The following PHC2 variants were observed in gnomAD, a reference collection of about 807,000 sequenced individuals.
The protein encoded by PHC2 is polyhomeotic homolog 2.
PHC2 carries 29 observed loss-of-function variants against 87.4 expected under a neutral mutation model. That is an observed-to-expected ratio of 0.33 (90% CI 0.25 to 0.45). The LOEUF (loss-of-function observed/expected upper bound fraction) is 0.45, where lower values mean the gene tolerates loss of function less well. Among genes scored for constraint, PHC2 ranks in the 20% least tolerant of loss-of-function variants. The pLI is 1.00. For synonymous variants in PHC2, 438 were observed against 461.7 expected, an observed-to-expected ratio of 0.95 and a Z score of 0.66; for missense variants, 857 against 1,136.7, an observed-to-expected ratio of 0.75 and a Z score of 3.54.
At chr1:33,361,602 C>G (rs1647196187) in intron 7 of PHC2, among the ~76,000 whole-genome samples, 1 of 152,220 alleles carries the variant, frequency 6.6e-6, no homozygotes, top group South Asian at 2.1e-4. Flanking sequence ...CGGGGCCTCC[C>G]AAAGGGCTGA....
intron 1 of PHC2, among the ~76,000 whole-genome samples, chr1:33,389,373 A>G (rs981226595): frequency 1.3e-5 from 2 of 152,212 alleles, no homozygotes; most frequent in African/African-American, 4.8e-5. Flanking sequence ...ATTAATCTTA[A>G]GCCTACATTA....
chr1:33,368,495 G>A lies in PHC2; in HGVS notation c.663+41C>T. ...CCAGTATCAGTGCCCCTCTACAGGGGTGCCCACCCCCCTGCCCTCCCACAA... is the reference window on the plus strand; with the variant it reads ...CCAGTATCAGTGCCCCTCTACAGGGATGCCCACCCCCCTGCCCTCCCACAA... On this transcript the variant is annotated intron_variant, in intron 6 of 14. Transcript: ENST00000683057. The surrounding 1 kb of genome is among the most constrained non-coding windows in gnomAD (Gnocchi z 6.6). 1 of 1,112,952 alleles carries A rather than the reference G, an allele frequency of 9.0e-7. No homozygotes were observed. The allele number at this position is 1,112,952 out of a possible 1,614,324, so 68.9% of individuals were successfully genotyped here. A position where few individuals can be genotyped will look rare whatever the true frequency, so the allele number is the denominator to read the frequency against.
chr1:33,324,052 G>T lies in PHC2; in HGVS notation c.*813C>A. On this transcript the variant is annotated 3_prime_UTR_variant, in exon 15 of 15. Transcript: ENST00000683057. ...TCTTTGTGAACCAGGAGGGCGGTCAGGGGAACTTCACAGTGCGGGGAGGGG... is the reference window on the plus strand; with the variant it reads ...TCTTTGTGAACCAGGAGGGCGGTCATGGGAACTTCACAGTGCGGGGAGGGG... 1 of 152,610 alleles carries T rather than the reference G, an allele frequency of 6.6e-6. No individual in the cohort carries two copies. 9.5% of individuals were successfully genotyped at this position (152,610 alleles called of 1,614,324 possible). A position where few individuals can be genotyped will look rare whatever the true frequency, so the allele number is the denominator to read the frequency against.
chr1:33,421,647 A>G (rs1428197325), intron 1 of PHC2, among the ~76,000 whole-genome samples: 2 of 152,216 alleles, frequency 1.3e-5, no homozygotes, highest in Middle Eastern at 3.2e-3. Context: ...TGTGTTTAGG[A>G]CAAATAAAAC....
chr1:33,374,887 G>A (rs942140759), intron 2 of PHC2, among the ~76,000 whole-genome samples: 3 of 152,218 alleles, frequency 2.0e-5, no homozygotes, highest in Non-Finnish European at 2.9e-5. Flanking sequence ...GCAGATGGTA[G>A]TGCATGGCCC....
intron 1 of PHC2, among the ~76,000 whole-genome samples, chr1:33,420,044 G>A (rs972964542): frequency 6.6e-6 from 1 of 152,034 alleles, no homozygotes; most frequent in Non-Finnish European, 1.5e-5. Flanking sequence ...AAGTTCTGGG[G>A]ATAAGGAGCT....
intron 1 of PHC2, among the ~76,000 whole-genome samples, chr1:33,401,132 C>T (rs1649508083): frequency 1.3e-5 from 2 of 152,086 alleles, no homozygotes; most frequent in Admixed American, 1.3e-4. Context: ...CCAAACCATC[C>T]TGGCTAACAT....
intron 1 of PHC2, among the ~76,000 whole-genome samples, chr1:33,405,109 T>C (rs1188678982): frequency 6.6e-6 from 1 of 152,248 alleles, no homozygotes; most frequent in Non-Finnish European, 1.5e-5. Context: ...CAGTGATGTC[T>C]TCCTTTTCAT....
intron 13 of PHC2, among the ~76,000 whole-genome samples, chr1:33,329,626 T>C (rs1182378347): frequency 6.6e-6 from 1 of 152,148 alleles, no homozygotes; most frequent in Non-Finnish European, 1.5e-5. Flanking sequence ...TGCTAAAAAA[T>C]ATTTAATGAC....
chr1:33,400,028 T>C (rs1649456642), intron 1 of PHC2, among the ~76,000 whole-genome samples: 1 of 151,642 alleles, frequency 6.6e-6, no homozygotes, highest in Non-Finnish European at 1.5e-5. Flanking sequence ...TCATTATTAT[T>C]TGTAAAAAAA....
intron 10 of PHC2, 105 bp downstream of exon 10, chr1:33,333,985 G>C: frequency 1.0e-6 from 1 of 989,086 alleles, no homozygotes; most frequent in Non-Finnish European, 1.5e-6. Flanking sequence ...CAAGGAAAGA[G>C]CAAATTGTTC....
In PHC2 at chr1:33,334,050, ATATACT is replaced by A; in HGVS notation, c.1761+34_1761+39del. 1 of 1,534,564 alleles carries A rather than the reference ATATACT, an allele frequency of 6.5e-7. No homozygotes were observed. The highest frequency in any genetic ancestry group is 8.9e-7 in the Non-Finnish European group (1 of 1,125,942). Reference sequence around the variant, plus strand: ...AAAAATATTCTAAGACACATCCAAAATATACTTAAAAAAAAAAGGGGAAAAGAAGTA... The same window carrying A: ...AAAAATATTCTAAGACACATCCAAAATAAAAAAAAAAGGGGAAAAGAAGTA... On this transcript the variant is annotated intron_variant, in intron 10 of 14. Transcript: ENST00000683057. The surrounding 1 kb of genome is among the most constrained non-coding windows in gnomAD (Gnocchi z 5.5).
At chr1:33,424,298 G>GAAC (rs1056715087) in intron 1 of PHC2, among the ~76,000 whole-genome samples, 2 of 152,076 alleles carry the variant, frequency 1.3e-5, no homozygotes. Context: ...CAAGTCTCTT[G>GAAC]AAAAGTCTAA....
At chr1:33,367,529 G>T (rs1647546278) in intron 6 of PHC2, 101 bp from the exon 7 acceptor site, 1 of 909,890 alleles carries the variant, frequency 1.1e-6, no homozygotes, top group Admixed American at 2.4e-5. Flanking sequence ...TGGCTGAATA[G>T]AACAGGAGGT....
Position 33,349,473 on chromosome 1 carries a change from G to C in PHC2, c.1558+4928C>G. On this transcript the variant is annotated intron_variant, in intron 9 of 14. Coordinates refer to ENST00000683057, the MANE Select transcript of PHC2 (RefSeq NM_001385109.1). This position sits in a 1 kb window ranked among gnomAD's most constrained non-coding sequence, Gnocchi z 4.2. ...CGCGGACGAGAGCCGCGACTGGCACGGCCTGGCAGCCGCGTAGGCCCGGGC... is the reference window on the plus strand; with the variant it reads ...CGCGGACGAGAGCCGCGACTGGCACCGCCTGGCAGCCGCGTAGGCCCGGGC... 2 of 985,264 alleles carry C rather than the reference G, an allele frequency of 2.0e-6. No individual in the cohort carries two copies. Among genetic ancestry groups the C allele is most frequent in the Non-Finnish European group, 2.4e-6 (2 of 829,906 alleles). The allele number at this position is 985,264 out of a possible 1,614,324, so 61.0% of individuals were successfully genotyped here.
At position 33,349,440 on chromosome 1, in the gene PHC2, A is replaced by G; in HGVS notation, c.1558+4961T>C. Reference sequence around the variant, plus strand: ...GAGGCTGGGGAGCAGGGCACCTCCCAGGCGCCGCGCGGACGAGAGCCGCGA... The same window carrying G: ...GAGGCTGGGGAGCAGGGCACCTCCCGGGCGCCGCGCGGACGAGAGCCGCGA... On this transcript the variant is annotated intron_variant, in intron 9 of 14. Transcript: ENST00000683057. This position sits in a 1 kb window ranked among gnomAD's most constrained non-coding sequence, Gnocchi z 4.2. 1.0e-6 allele frequency: 1 copy of G among 985,168 alleles called. No homozygotes were observed. The highest frequency in any genetic ancestry group is 1.2e-6 in the Non-Finnish European group (1 of 829,844). 61.0% of individuals were successfully genotyped at this position (985,168 alleles called of 1,614,324 possible).
Position 33,367,172 on chromosome 1 carries a change from C to T in PHC2, c.920G>A (p.Arg307Gln), listed in dbSNP as rs765961408. 2.2e-4 allele frequency: 352 copies of T among 1,613,956 alleles called. No individual in the cohort carries two copies. Among genetic ancestry groups the T allele is most frequent in the Admixed American group, 3.3e-4 (20 of 60,016 alleles). Reference sequence around the variant, plus strand: ...AGGAACCGTCCGGCTGAGCCCAGCCCGGCCTTCCATGCTCCCTGGCACACT... The same window carrying T: ...AGGAACCGTCCGGCTGAGCCCAGCCTGGCCTTCCATGCTCCCTGGCACACT... Reference protein sequence around the residue: ...NSSVPGSMEGRAGLSRTVPAV... With the variant: ...NSSVPGSMEGQAGLSRTVPAV... The change falls in exon 7 of 15, where the codon CGG (arginine) becomes CAG (glutamine). Residue 307 changes from arginine to glutamine, a missense_variant. By Grantham distance (43) the Arg-to-Gln change is conservative. Around this residue, in one of 3 missense-constraint regions of PHC2, gnomAD observed 832 missense variants for 1,081.8 expected, o/e 0.77. Transcript: ENST00000683057.
At chr1:33,401,491 A>G (rs1333885645) in intron 1 of PHC2, among the ~76,000 whole-genome samples, 1 of 152,104 alleles carries the variant, frequency 6.6e-6, no homozygotes, top group African/African-American at 2.4e-5. Flanking sequence ...GATAGACCCT[A>G]TTCTTGACCT....
intron 1 of PHC2, among the ~76,000 whole-genome samples, chr1:33,430,625 CGTTCCCGTTCCG>C (rs897401395): frequency 2.0e-5 from 3 of 152,030 alleles, no homozygotes; most frequent in Non-Finnish European, 2.9e-5. Context: ...GACCTTGGCC[CGTTCCCGTTCCG>C]GTTCCCGTTC....
Sources: gnomAD v4.1 joint callset for allele counts (sites outside exome capture counted in the v4.1 genomes callset) on GRCh38, gnomAD v4.1.1 for gene constraint, gnomAD v4.1.1 regional missense constraint, Gnocchi (gnomAD v3.1) non-coding constraint, MANE v1.5 for transcripts, NCBI Gene and HGNC (gene_info 2026-07-23, HGNC 2026-07-21) for gene names.